Variants in TENM4 observed in about 807,000 individuals in gnomAD.
The protein encoded by TENM4 is teneurin-4.
A neutral mutation model predicts 243.3 loss-of-function variants in TENM4; 82 were observed. That is an observed-to-expected ratio of 0.34 (90% CI 0.28 to 0.40). TENM4 has a LOEUF of 0.40. Among genes scored for constraint, TENM4 ranks in the 10% least tolerant of loss-of-function variants. The pLI is 1.00. For missense variants in TENM4, 3,138 were observed against 3,673.3 expected (o/e 0.85, Z 3.77); for synonymous variants, 1,412 against 1,456.3 (o/e 0.97, Z 0.69).
intron 6 of TENM4, among the ~76,000 whole-genome samples, chr11:79,054,280 G>A (rs896083113): frequency 1.3e-5 from 2 of 152,194 alleles, no homozygotes; most frequent in Non-Finnish European, 2.9e-5. Flanking sequence ...CAAGCTGTGT[G>A]ACCTTGATTA....
chr11:79,348,376 T>C (rs1267739420), intron 1 of TENM4, among the ~76,000 whole-genome samples: 1 of 152,196 alleles, frequency 6.6e-6, no homozygotes, highest in Non-Finnish European at 1.5e-5. Flanking sequence ...TTCATTGGTA[T>C]CCCATACCAA....
chr11:79,394,741 G>A (rs1051302027), intron 1 of TENM4, among the ~76,000 whole-genome samples: 2 of 152,196 alleles, frequency 1.3e-5, no homozygotes. Context: ...AATAGGGTAG[G>A]CCCTTCATCC....
At chr11:79,000,752 C>G (rs900100140) in intron 6 of TENM4, among the ~76,000 whole-genome samples, 4 of 152,248 alleles carry the variant, frequency 2.6e-5, no homozygotes, top group Non-Finnish European at 5.9e-5. Context: ...TAGGAAGGGC[C>G]GGGTGCAGCG....
At position 79,396,941 on chromosome 11, in the gene TENM4, T is replaced by C. The variant is rs571078978; in HGVS notation, c.-321+43568A>G. 7.5e-4 allele frequency among the ~76,000 whole-genome samples: 114 copies of C among 152,326 alleles called. 3 individuals are homozygous for C. In the South Asian group the frequency reaches 0.023, roughly 31 times the overall value. ...TTGAGGGAGCCTGGGCTGCTGTCAT[T>C]GATACAAGGGACTCTGCCTTTCATT... is the stretch of plus-strand genomic sequence containing the variant. On this transcript the variant is annotated intron_variant, in intron 1 of 33. Transcript: ENST00000278550.
chr11:78,811,246 C>T (rs924628024), intron 14 of TENM4, among the ~76,000 whole-genome samples: 7 of 152,068 alleles, frequency 4.6e-5, no homozygotes, highest in East Asian at 3.9e-4. Flanking sequence ...ACATTGCTTG[C>T]GAATAAGGCT....
chr11:79,312,373 T>C (rs911272184), intron 1 of TENM4, among the ~76,000 whole-genome samples: 2 of 152,246 alleles, frequency 1.3e-5, no homozygotes, highest in African/African-American at 4.8e-5. Flanking sequence ...AACAGGTATA[T>C]AATGCTTACT....
chr11:79,110,659 G>A lies in TENM4; in HGVS notation c.-66+38051C>T, dbSNP rs564995501. On this transcript the variant is annotated intron_variant, in intron 4 of 33. Transcript: ENST00000278550. ...ATAGACCAGCCAGGTCCATAGAAAC[G>A]TGCATGTCAGGTAAGTTCCAAAGCT... Among the ~76,000 whole-genome samples the A allele has an allele frequency of 5.9e-5, 9 of 152,280 alleles. No individual in the cohort carries two copies. The South Asian group carries it at 6.2e-4, about 11-fold the overall frequency.
intron 9 of TENM4, among the ~76,000 whole-genome samples, chr11:78,880,949 G>T (rs1395634753): frequency 2.0e-5 from 3 of 152,120 alleles, no homozygotes; most frequent in Non-Finnish European, 4.4e-5. Flanking sequence ...AACTTTTGGG[G>T]GTGATGGAAT....
At chr11:79,264,793 T>G (rs1049512881) in intron 2 of TENM4, among the ~76,000 whole-genome samples, 1 of 152,182 alleles carries the variant, frequency 6.6e-6, no homozygotes, top group Non-Finnish European at 1.5e-5. Flanking sequence ...CAAAATAGTA[T>G]GTTCAAAAAC....
chr11:78,763,421 A>G (rs939885911), intron 18 of TENM4, among the ~76,000 whole-genome samples: 1 of 152,244 alleles, frequency 6.6e-6, no homozygotes, highest in Non-Finnish European at 1.5e-5. Flanking sequence ...GGGGGCACTC[A>G]ATGAAACAAT....
intron 6 of TENM4, among the ~76,000 whole-genome samples, chr11:78,927,849 TTCTCTCTC>T (rs56853062): frequency 6.7e-6 from 1 of 149,290 alleles, no homozygotes; most frequent in East Asian, 2.0e-4. Flanking sequence ...AAGCATCCTG[TTCTCTCTC>T]TCTCTCTCTC....
chr11:79,182,432 G>T (rs972677640), intron 3 of TENM4, among the ~76,000 whole-genome samples: 1 of 152,032 alleles, frequency 6.6e-6, no homozygotes, highest in African/African-American at 2.4e-5. Flanking sequence ...CCCTTCACAA[G>T]AATTAACTCG....
chr11:78,700,410 C>T (rs2135760744), intron 28 of TENM4, among the ~76,000 whole-genome samples: 1 of 152,268 alleles, frequency 6.6e-6, no homozygotes, highest in South Asian at 2.1e-4. Flanking sequence ...AGCTGTTGTG[C>T]AGATTAAATG....
At chr11:79,301,861 A>G (rs1166278076) in intron 1 of TENM4, among the ~76,000 whole-genome samples, 2 of 152,070 alleles carry the variant, frequency 1.3e-5, no homozygotes, top group African/African-American at 4.8e-5. Flanking sequence ...TTCCGCCATT[A>G]TGGTAAGTTT....
At chr11:79,137,894 C>A (rs1862141544) in intron 4 of TENM4, among the ~76,000 whole-genome samples, 1 of 151,918 alleles carries the variant, frequency 6.6e-6, no homozygotes, top group African/African-American at 2.4e-5. Context: ...AAGAGATGTG[C>A]ATGGGTTCAG....
intron 2 of TENM4, among the ~76,000 whole-genome samples, chr11:79,229,831 C>CTT (rs139040634): frequency 2.7e-5 from 4 of 148,240 alleles, no homozygotes; most frequent in African/African-American, 5.0e-5. Context: ...ATTTCCTACA[C>CTT]TTTTTTTTTT....
chr11:78,677,284 C>T lies in TENM4; in HGVS notation c.5261-897G>A, dbSNP rs71471419. 4.7e-3 allele frequency among the ~76,000 whole-genome samples: 573 copies of T among 121,170 alleles called. 3 individuals carry two copies. Among genetic ancestry groups the T allele is most frequent in the Admixed American group, 1.0e-2 (105 of 10,546 alleles). 79.5% of individuals were successfully genotyped at this position (121,170 alleles called of 152,430 possible). ...TTTTTTTTGGAGACAGGGTCTTGTT[C>T]TGTTGCCCAGGCTGTAGTGCAGTAG... On this transcript the variant is annotated intron_variant, in intron 29 of 33. Coordinates refer to ENST00000278550, the MANE Select transcript of TENM4 (RefSeq NM_001098816.3).
chr11:78,667,720 G>A (rs1223765698), intron 32 of TENM4, among the ~76,000 whole-genome samples: 1 of 152,208 alleles, frequency 6.6e-6, no homozygotes, highest in Non-Finnish European at 1.5e-5. Flanking sequence ...GCCTGAAACA[G>A]TGGCTGCACA....
At chr11:79,309,235 C>A (rs1856678920) in intron 1 of TENM4, among the ~76,000 whole-genome samples, 1 of 152,176 alleles carries the variant, frequency 6.6e-6, no homozygotes. Flanking sequence ...AGAATGTGAG[C>A]CCCAAAACAT....
Sources: gnomAD v4.1 joint callset for allele counts (sites outside exome capture counted in the v4.1 genomes callset) on GRCh38, gnomAD v4.1.1 for gene constraint, MANE v1.5 for transcripts, NCBI Gene and HGNC (gene_info 2026-07-23, HGNC 2026-07-21) for gene names.